EPHA5: variants seen among roughly 807,000 people sequenced by gnomAD.
EPHA5 encodes the protein ephrin type-A receptor 5.
A neutral mutation model predicts 105.0 loss-of-function variants in EPHA5; 60 were observed. That is an observed-to-expected ratio of 0.57 (90% CI 0.46 to 0.71). EPHA5 has a LOEUF of 0.71. EPHA5 is among the 30% of genes least tolerant of loss of function. The pLI is 0.00. For synonymous variants in EPHA5, 513 were observed against 449.1 expected (o/e 1.14, Z -1.80); for missense variants, 1,218 against 1,274.7 (o/e 0.96, Z 0.68).
chr4:65,420,381 G>T (rs1490327794), intron 6 of EPHA5, 60 bp downstream of exon 6: 10 of 1,465,482 alleles, frequency 6.8e-6, no homozygotes, highest in East Asian at 2.4e-5. Flanking sequence ...TTGGATAATT[G>T]TAGTTGCTAA....
intron 1 of EPHA5, among the ~76,000 whole-genome samples, chr4:65,664,947 G>T (rs1749840827): frequency 6.6e-6 from 1 of 151,866 alleles, no homozygotes; most frequent in Admixed American, 6.6e-5. Context: ...TGCTTAAAAT[G>T]ATGTCATAAT....
chr4:65,463,999 C>T (rs1728365880), intron 5 of EPHA5, among the ~76,000 whole-genome samples: 1 of 151,624 alleles, frequency 6.6e-6, no homozygotes, highest in Non-Finnish European at 1.5e-5. Flanking sequence ...ATTTGTCCTA[C>T]ACTAAAAAAT....
chr4:65,669,584 G>C lies in EPHA5; in HGVS notation c.159C>G (p.Leu53=), dbSNP rs2149570740. Residue 53 remains leucine, a synonymous_variant, in exon 1 of 17, where the codon CTC becomes CTG. Transcript: ENST00000613740. Reference sequence around the variant, plus strand: ...TACCTTCGTTGCTGGGGCTGGCCAGGAGGGTCCGGAGTGCGGCGCACAGGA... The same window carrying C: ...TACCTTCGTTGCTGGGGCTGGCCAGCAGGGTCCGGAGTGCGGCGCACAGGA... ...CLLLCAALRT[L]LASPSNEVNL... is the part of the protein sequence containing the mutation. 1 of 1,428,814 alleles carries C rather than the reference G, an allele frequency of 7.0e-7. No homozygotes were observed. Among genetic ancestry groups the C allele is most frequent in the Non-Finnish European group, 9.2e-7 (1 of 1,086,328 alleles). 88.5% of individuals were successfully genotyped at this position (1,428,814 alleles called of 1,614,324 possible). A position where few individuals can be genotyped will look rare whatever the true frequency, so the allele number is the denominator to read the frequency against.
chr4:65,467,554 T>C (rs1461715652), intron 5 of EPHA5, among the ~76,000 whole-genome samples: 1 of 152,136 alleles, frequency 6.6e-6, no homozygotes. Context: ...TGAAAGACCA[T>C]AAGGAGAAAA....
At chr4:65,325,906 C>G (rs1720028059) in intron 16 of EPHA5, among the ~76,000 whole-genome samples, 1 of 150,904 alleles carries the variant, frequency 6.6e-6, no homozygotes, top group Admixed American at 6.6e-5. Flanking sequence ...ATACCAGAAG[C>G]ACTGCAGCAC....
intron 16 of EPHA5, among the ~76,000 whole-genome samples, chr4:65,326,040 A>G (rs1035323380): frequency 6.8e-6 from 1 of 147,796 alleles, no homozygotes; most frequent in Admixed American, 6.8e-5. Flanking sequence ...TCATATATAT[A>G]TGTATATATA....
In EPHA5 at chr4:65,414,642, G is replaced by A. The variant is rs148608915; in HGVS notation, c.1528-199C>T. 1.6e-3 allele frequency among the ~76,000 whole-genome samples: 240 copies of A among 152,224 alleles called. 1 individual carries two copies. Among genetic ancestry groups the A allele is most frequent in the African/African-American group, 5.6e-3 (233 of 41,532 alleles). The stretch of plus-strand genomic sequence containing the variant: ...ATTAAAGTCTTTTCTAGAACTCAAG[G>A]TGGTGGGTGACATACTGTCCACCCA... On this transcript the variant is annotated intron_variant, in intron 6 of 16. Coordinates refer to ENST00000613740, the MANE Select transcript of EPHA5 (RefSeq NM_001281766.3).
intron 5 of EPHA5, among the ~76,000 whole-genome samples, chr4:65,461,297 C>G (rs1226220656): frequency 2.0e-5 from 3 of 151,888 alleles, no homozygotes; most frequent in Non-Finnish European, 2.9e-5. Context: ...TTTGGCTATA[C>G]AATCTTGATG....
chr4:65,524,566 A>T (rs910089710), intron 3 of EPHA5, among the ~76,000 whole-genome samples: 1 of 151,830 alleles, frequency 6.6e-6, no homozygotes, highest in African/African-American at 2.4e-5. Flanking sequence ...AAACAGAAAA[A>T]TATAACTTAA....
intron 5 of EPHA5, among the ~76,000 whole-genome samples, chr4:65,456,958 A>G (rs1343324746): frequency 6.6e-6 from 1 of 152,194 alleles, no homozygotes; most frequent in Non-Finnish European, 1.5e-5. Flanking sequence ...AGCAATGAAC[A>G]TTATATGCAT....
intron 3 of EPHA5, among the ~76,000 whole-genome samples, chr4:65,529,375 C>T (rs1735546001): frequency 6.6e-6 from 1 of 151,840 alleles, no homozygotes; most frequent in Admixed American, 6.6e-5. Flanking sequence ...CTTTGAGTCT[C>T]ATAAACATAT....
intron 1 of EPHA5, among the ~76,000 whole-genome samples, chr4:65,655,216 G>T (rs559908561): frequency 6.6e-6 from 1 of 151,990 alleles, no homozygotes; most frequent in Non-Finnish European, 1.5e-5. Context: ...CATATGTTAA[G>T]TGATATATAC....
intron 5 of EPHA5, among the ~76,000 whole-genome samples, chr4:65,428,035 T>C (rs1724616238): frequency 1.3e-5 from 2 of 152,124 alleles, no homozygotes; most frequent in African/African-American, 4.8e-5. Context: ...CACATAGACA[T>C]ACATACATCT....
chr4:65,344,710 A>G (rs1318967992), intron 14 of EPHA5, among the ~76,000 whole-genome samples: 1 of 152,222 alleles, frequency 6.6e-6, no homozygotes, highest in East Asian at 1.9e-4. Context: ...GTTAGAAATG[A>G]AACCACGCAG....
chr4:65,509,445 T>C (rs1195903027), intron 3 of EPHA5, among the ~76,000 whole-genome samples: 2 of 152,206 alleles, frequency 1.3e-5, no homozygotes, highest in East Asian at 3.9e-4. Context: ...GGGTCTTGGC[T>C]TTTTTGCAGA....
chr4:65,469,400 G>A (rs993287907), intron 5 of EPHA5, among the ~76,000 whole-genome samples: 1 of 152,154 alleles, frequency 6.6e-6, no homozygotes, highest in Non-Finnish European at 1.5e-5. Context: ...TTCAAGTTAT[G>A]TATTCCAAAT....
At chr4:65,568,892 T>A (rs1739832198) in intron 3 of EPHA5, among the ~76,000 whole-genome samples, 1 of 151,074 alleles carries the variant, frequency 6.6e-6, no homozygotes, top group East Asian at 1.9e-4. Context: ...TTTCAATAAA[T>A]AAGAATCAGT....
chr4:65,447,762 G>T (rs1299339002), intron 5 of EPHA5, among the ~76,000 whole-genome samples: 1 of 151,122 alleles, frequency 6.6e-6, no homozygotes, highest in Non-Finnish European at 1.5e-5. Context: ...GGAATTTCTG[G>T]TATTACTTGA....
At chr4:65,472,006 T>C (rs914925101) in intron 5 of EPHA5, among the ~76,000 whole-genome samples, 21 of 152,044 alleles carry the variant, frequency 1.4e-4, no homozygotes, top group Non-Finnish European at 2.9e-4. Context: ...GTCCAAAGTC[T>C]CATCTGAGAC....
Sources: allele counts gnomAD v4.1 joint callset (sites outside exome capture counted in the v4.1 genomes callset), GRCh38; gene constraint gnomAD v4.1.1; transcripts MANE v1.5; gene names NCBI Gene and HGNC (gene_info 2026-07-23, HGNC 2026-07-21).